Variants in TRIM5 observed in about 807,000 individuals in gnomAD.
The protein encoded by TRIM5 is tripartite motif containing 5, also known as tripartite motif-containing protein 5.
In TRIM5, 31 loss-of-function variants were observed where a neutral mutation model predicts 35.6. The ratio of observed to expected loss-of-function variants is 0.87; its 90% CI spans 0.65 to 1.18. The LOEUF is 1.18. Ranked by LOEUF, TRIM5 falls within the 50% of genes most tolerant of loss-of-function variation. The pLI is 0.00. For synonymous variants in TRIM5, 243 were observed against 215.6 expected, an observed-to-expected ratio of 1.13 and a Z score of -1.11; for missense variants, 609 against 591.6, an observed-to-expected ratio of 1.03 and a Z score of -0.31.
the TRIM5 span, among the ~76,000 whole-genome samples, chr11:5,592,075 A>C: frequency 1.3e-5 from 2 of 152,194 alleles, no homozygotes; most frequent in Non-Finnish European, 2.9e-5. Flanking sequence ...GTCAGCTAGG[A>C]AACTGGATGG....
the TRIM5 span, among the ~76,000 whole-genome samples, chr11:5,638,581 A>G: frequency 6.6e-6 from 1 of 152,224 alleles, no homozygotes; most frequent in African/African-American, 2.4e-5. Flanking sequence ...CAGATGACTA[A>G]CAGAAGTTAA....
the TRIM5 span, chr11:5,611,076 T>C: frequency 1.9e-6 from 3 of 1,614,188 alleles, no homozygotes; most frequent in Non-Finnish European, 2.5e-6. Flanking sequence ...TCAGAGTGGA[T>C]ACTGGGTGAT....
the TRIM5 span, chr11:5,604,589 A>G: frequency 6.2e-7 from 1 of 1,613,318 alleles, no homozygotes; most frequent in Non-Finnish European, 8.5e-7. Flanking sequence ...GAAGCTGAGA[A>G]GCTAACAGCT....
chr11:5,650,307 C>T, the TRIM5 span, among the ~76,000 whole-genome samples: 126 of 152,318 alleles, frequency 8.3e-4, no homozygotes, highest in Non-Finnish European at 1.5e-3. Context: ...ATATAACATA[C>T]GTCTGGCTAT....
the TRIM5 span, among the ~76,000 whole-genome samples, chr11:5,608,685 T>C: frequency 6.6e-6 from 1 of 151,826 alleles, no homozygotes; most frequent in South Asian, 2.1e-4. Flanking sequence ...AGGGAGACTC[T>C]GCCTCAAACA....
At chr11:5,629,739 G>A in the TRIM5 span, among the ~76,000 whole-genome samples, 2 of 152,286 alleles carry the variant, frequency 1.3e-5, no homozygotes, top group African/African-American at 2.4e-5. Context: ...ACGGAGTCTC[G>A]CTCTGTCGCC....
At chr11:5,675,858 C>A (rs1188980130) in intron 4 of TRIM5, among the ~76,000 whole-genome samples, 1 of 75,014 alleles carries the variant, frequency 1.3e-5, no homozygotes, top group African/African-American at 4.4e-5. Flanking sequence ...CCCCTCCCCC[C>A]ACCCCACCAT....
At chr11:5,610,355 C>G in the TRIM5 span, 1 of 1,570,968 alleles carries the variant, frequency 6.4e-7, no homozygotes, top group South Asian at 1.1e-5. Flanking sequence ...AGAGGGAGGT[C>G]CCAGAGGGAG....
the TRIM5 span, among the ~76,000 whole-genome samples, chr11:5,625,814 C>T: frequency 1.3e-5 from 2 of 152,208 alleles, no homozygotes; most frequent in African/African-American, 4.8e-5. Context: ...AGAACTTGCT[C>T]CTCATCATTC....
chr11:5,643,370 T>A, the TRIM5 span: 1 of 1,614,098 alleles, frequency 6.2e-7, no homozygotes, highest in Non-Finnish European at 8.5e-7. Context: ...ATATGAAGTA[T>A]GTTGTTAGAA....
the TRIM5 span, among the ~76,000 whole-genome samples, chr11:5,628,092 G>C: frequency 5.3e-5 from 8 of 152,200 alleles, no homozygotes; most frequent in Non-Finnish European, 1.5e-5. Context: ...CTGGGAAGTG[G>C]TGGGGTCATT....
chr11:5,678,491 C>A, intron 3 of TRIM5, 57 bp from the exon 4 acceptor site: 2 of 1,385,232 alleles, frequency 1.4e-6, no homozygotes. Flanking sequence ...AGGCTGTTAG[C>A]CAGAAAAGGA....
chr11:5,661,412 G>A (rs911073019), downstream of TRIM5, among the ~76,000 whole-genome samples: 4 of 151,962 alleles, frequency 2.6e-5, no homozygotes, highest in Admixed American at 6.6e-5. Context: ...CTGCTTCTTC[G>A]TATTCTTTGT....
intron 4 of TRIM5, among the ~76,000 whole-genome samples, chr11:5,675,717 ATACTTT>A (rs1466218402): frequency 8.7e-6 from 1 of 114,636 alleles, no homozygotes; most frequent in African/African-American, 3.6e-5. Context: ...TTGTTTTATT[ATACTTT>A]AAGTTTTAGA....
At chr11:5,610,193 G>C in the TRIM5 span, 6 of 1,614,162 alleles carry the variant, frequency 3.7e-6, no homozygotes, top group Non-Finnish European at 1.7e-6. Flanking sequence ...CTACAAAGCT[G>C]AGAAGTATGT....
chr11:5,649,762 T>A, the TRIM5 span, among the ~76,000 whole-genome samples: 1 of 152,164 alleles, frequency 6.6e-6, no homozygotes, highest in African/African-American at 2.4e-5. Context: ...TAGTGAGTGG[T>A]ATCTCTCCCC....
chr11:5,589,203 A>C, the TRIM5 span: 1 of 152,030 alleles, frequency 6.6e-6, no homozygotes, highest in African/African-American at 2.4e-5. Context: ...AAACTGGTCA[A>C]ATAGTCACTG....
At chr11:5,597,998 T>G in the TRIM5 span, among the ~76,000 whole-genome samples, 1 of 152,256 alleles carries the variant, frequency 6.6e-6, no homozygotes, top group Non-Finnish European at 1.5e-5. Flanking sequence ...GTGCTTGCAG[T>G]GTTGCTAGTT....
chr11:5,650,981 C>T, the TRIM5 span, among the ~76,000 whole-genome samples: 398 of 152,270 alleles, frequency 2.6e-3, 1 homozygote, highest in Middle Eastern at 0.01. Flanking sequence ...GATTTAGCAA[C>T]GCCTGTATCA....
Sources: gnomAD v4.1 joint callset for allele counts (sites outside exome capture counted in the v4.1 genomes callset) on GRCh38, gnomAD v4.1.1 for gene constraint, MANE v1.5 for transcripts, NCBI Gene and HGNC (gene_info 2026-07-23, HGNC 2026-07-21) for gene names.